Variants in KIF27 observed in about 807,000 individuals in gnomAD.
The protein encoded by KIF27 is kinesin-like protein KIF27.
Under a neutral mutation model 141.8 loss-of-function variants are expected in KIF27, and 84 were observed. The observed-to-expected ratio is 0.59, with a 90% CI of 0.50 to 0.71. The LOEUF (loss-of-function observed/expected upper bound fraction) is 0.71, where lower values mean the gene tolerates loss of function less well. Ranked by LOEUF, KIF27 falls within the 30% of genes least tolerant of loss-of-function variation. The pLI is 0.00. For synonymous variants in KIF27, 471 were observed against 569.5 expected, an observed-to-expected ratio of 0.83 and a Z score of 2.46; for missense variants, 1,306 against 1,628.4, an observed-to-expected ratio of 0.80 and a Z score of 3.41.
At chr9:83,886,421 A>T (rs540338442) in intron 9 of KIF27, among the ~76,000 whole-genome samples, 25 of 152,238 alleles carry the variant, frequency 1.6e-4, no homozygotes, top group Non-Finnish European at 3.1e-4. Flanking sequence ...ATGGTGACTA[A>T]CAAAAGTTGT....
At chr9:83,918,029 CA>C (rs1260264801) in intron 1 of KIF27, among the ~76,000 whole-genome samples, 1 of 151,934 alleles carries the variant, frequency 6.6e-6, no homozygotes, top group South Asian at 2.1e-4. Context: ...ATAATAAAAG[CA>C]AAAAATAAAG....
At chr9:83,919,898 G>T (rs1956085062) in intron 1 of KIF27, among the ~76,000 whole-genome samples, 1 of 151,320 alleles carries the variant, frequency 6.6e-6, no homozygotes, top group African/African-American at 2.4e-5. Flanking sequence ...TAAAGAATTT[G>T]GTTATAAAGG....
Position 83,915,485 on chromosome 9 carries a change from T to C in KIF27, c.107A>G (p.Gln36Arg), listed in dbSNP as rs1467611843. 9.3e-6 allele frequency: 15 copies of C among 1,613,884 alleles called. No homozygotes were observed. Among genetic ancestry groups the C allele is most frequent in the Non-Finnish European group, 1.3e-5 (15 of 1,179,832 alleles). ...VCVRVIPNSQQVIIGRDRVFT... is the reference protein window; with the variant it reads ...VCVRVIPNSQRVIIGRDRVFT... ...GACTCTATCTCTCCCAATGATAACT[T>C]GCTGGCTGTTTGGAATAACTCTCAC... The change falls in exon 2 of 18, where the codon CAA (glutamine) becomes CGA (arginine). Residue 36 changes from glutamine (Q) to arginine (R), a missense_variant. By Grantham distance (43) the Gln-to-Arg change is conservative. This residue lies in a region of KIF27 where 533 missense variants were observed against 565.6 expected (regional missense o/e 0.94). Coordinates refer to ENST00000297814, the MANE Select transcript of KIF27 (RefSeq NM_017576.4).
At chr9:83,896,400 A>C (rs1027136754) in intron 5 of KIF27, among the ~76,000 whole-genome samples, 6 of 152,222 alleles carry the variant, frequency 3.9e-5, no homozygotes, top group African/African-American at 7.2e-5. Flanking sequence ...ATTAATATCT[A>C]AAAATTAGTA....
intron 14 of KIF27, among the ~76,000 whole-genome samples, chr9:83,857,263 C>T (rs1027597609): frequency 2.6e-5 from 4 of 152,188 alleles, no homozygotes; most frequent in Admixed American, 2.0e-4. Flanking sequence ...AGATAGCAAA[C>T]CATTCCAACT....
At chr9:83,863,991 T>C (rs1487405172) in intron 13 of KIF27, among the ~76,000 whole-genome samples, 1 of 152,216 alleles carries the variant, frequency 6.6e-6, no homozygotes, top group East Asian at 1.9e-4. Context: ...TCTCTGATGG[T>C]AGTTTGTATT....
rs1272580868 is a variant in KIF27, at chr9:83,888,493, A to C, written c.2079T>G (p.Asn693Lys). ...TATTTAAGAAGATCTATGTACCTTC[A>C]TTCTCCAAATCTGACTTTTGTGTTT... ...QDETQKSDLE[N>K]EDLKIDCLQE... The change falls in exon 8 of 18, where the codon AAT becomes AAG. Residue 693 changes from asparagine to lysine, a missense_variant. Physicochemically the swap from Asn to Lys is moderately conservative, Grantham distance 94. Coordinates refer to ENST00000297814, the MANE Select transcript of KIF27 (RefSeq NM_017576.4). The C allele has an allele frequency of 6.6e-7, 1 of 1,520,148 alleles. No homozygotes were observed. The highest frequency in any genetic ancestry group is 1.2e-5 in the South Asian group (1 of 85,630). 94.2% of individuals were successfully genotyped at this position (1,520,148 alleles called of 1,614,324 possible).
chr9:83,882,682 G>A (rs1205317484), intron 10 of KIF27, among the ~76,000 whole-genome samples: 1 of 152,042 alleles, frequency 6.6e-6, no homozygotes, highest in Admixed American at 6.6e-5. Flanking sequence ...TTGAGGTAAA[G>A]TTCTACACCT....
At chr9:83,892,662 T>C (rs972227500) in intron 5 of KIF27, among the ~76,000 whole-genome samples, 15 of 152,068 alleles carry the variant, frequency 9.9e-5, no homozygotes, top group Admixed American at 8.5e-4. Context: ...CATATGCTGC[T>C]TACAAGAAAC....
At chr9:83,839,838 T>G (rs62561932) in intron 17 of KIF27, among the ~76,000 whole-genome samples, 27,633 of 151,910 alleles carry the variant, frequency 0.18, 3,110 homozygotes, top group Non-Finnish European at 0.25. Flanking sequence ...AGCTACTGAG[T>G]AGGCTGAGGT....
chr9:83,905,713 G>A (rs1342776949), intron 3 of KIF27, among the ~76,000 whole-genome samples: 1 of 152,066 alleles, frequency 6.6e-6, no homozygotes, highest in Non-Finnish European at 1.5e-5. Context: ...CAAATCACCT[G>A]GTAGCTTTAT....
At chr9:83,858,260 T>C (rs1949486724) in intron 14 of KIF27, 1 of 152,126 alleles carries the variant, frequency 6.6e-6, no homozygotes, top group African/African-American at 2.4e-5. Context: ...TTTCATCAAT[T>C]CTCAGTGAGC....
intron 16 of KIF27, among the ~76,000 whole-genome samples, chr9:83,842,745 C>A (rs1946741055): frequency 6.6e-6 from 1 of 152,174 alleles, no homozygotes; most frequent in Non-Finnish European, 1.5e-5. Context: ...GGATTACAGA[C>A]ATGAGCCACC....
intron 6 of KIF27, among the ~76,000 whole-genome samples, chr9:83,890,182 T>G: frequency 6.6e-6 from 1 of 152,190 alleles, no homozygotes; most frequent in Non-Finnish European, 1.5e-5. Context: ...CGTCATGTAT[T>G]CTCTCCTAAA....
chr9:83,899,614 G>A (rs766855701), intron 5 of KIF27, 47 bp downstream of exon 5: 15 of 1,447,952 alleles, frequency 1.0e-5, no homozygotes, highest in Middle Eastern at 1.8e-4. Flanking sequence ...GTTTAGTTAG[G>A]TACTATTTCA....
intron 5 of KIF27, among the ~76,000 whole-genome samples, chr9:83,896,923 G>A (rs1177140835): frequency 6.6e-6 from 1 of 152,132 alleles, no homozygotes; most frequent in Non-Finnish European, 1.5e-5. Flanking sequence ...AGGAAAGGAG[G>A]AAAATGAGGA....
chr9:83,902,516 A>G (rs62563550), intron 4 of KIF27, among the ~76,000 whole-genome samples: 295 of 152,286 alleles, frequency 1.9e-3, no homozygotes, highest in Non-Finnish European at 3.2e-3. Context: ...ACATGTATAT[A>G]CCTACATTCC....
intron 12 of KIF27, among the ~76,000 whole-genome samples, chr9:83,869,846 T>C (rs764343799): frequency 2.6e-5 from 4 of 152,184 alleles, no homozygotes; most frequent in South Asian, 4.1e-4. Flanking sequence ...AATAAGAATA[T>C]ATTGATTCTG....
intron 15 of KIF27, among the ~76,000 whole-genome samples, chr9:83,852,369 C>T (rs1948703550): frequency 6.6e-6 from 1 of 150,486 alleles, no homozygotes. Context: ...AGGAGAATGG[C>T]GTGAACCTGG....
Sources: gnomAD v4.1 joint callset for allele counts (sites outside exome capture counted in the v4.1 genomes callset) on GRCh38, gnomAD v4.1.1 for gene constraint, gnomAD v4.1.1 regional missense constraint, MANE v1.5 for transcripts, NCBI Gene and HGNC (gene_info 2026-07-23, HGNC 2026-07-21) for gene names.